Variants in DOCK7 observed in about 807,000 individuals in gnomAD.
DOCK7 encodes dedicator of cytokinesis protein 7.
DOCK7 carries 138 observed loss-of-function variants against 271.0 expected under a neutral mutation model. The ratio of observed to expected loss-of-function variants is 0.51; its 90% CI spans 0.44 to 0.59. DOCK7 has a LOEUF of 0.59. Ranked by LOEUF, DOCK7 falls within the 20% of genes least tolerant of loss-of-function variation. The pLI is 0.00. For synonymous variants in DOCK7, 823 were observed against 876.1 expected, an observed-to-expected ratio of 0.94 and a Z score of 1.07; for missense variants, 2,066 against 2,592.4, an observed-to-expected ratio of 0.80 and a Z score of 4.41.
At chr1:62,489,168 G>T in intron 41 of DOCK7, 103 bp from the exon 42 acceptor site, 1 of 1,162,776 alleles carries the variant, frequency 8.6e-7, no homozygotes. Flanking sequence ...AATACACTGA[G>T]GCCAGACGCA....
chr1:62,533,259 A>G (rs940367511), intron 29 of DOCK7, among the ~76,000 whole-genome samples: 28 of 152,178 alleles, frequency 1.8e-4, no homozygotes, highest in African/African-American at 6.7e-4. Flanking sequence ...TCCTTTAATA[A>G]AGCCAGCTGG....
intron 9 of DOCK7, among the ~76,000 whole-genome samples, chr1:62,634,171 T>C (rs901511962): frequency 1.3e-5 from 2 of 152,008 alleles, no homozygotes; most frequent in Non-Finnish European, 2.9e-5. Context: ...AAGAGTAAGA[T>C]ACTTACAAAT....
intron 1 of DOCK7, among the ~76,000 whole-genome samples, chr1:62,683,098 T>C (rs910478588): frequency 1.1e-4 from 17 of 152,146 alleles, no homozygotes; most frequent in African/African-American, 4.1e-4. Context: ...ATAAGAGAAA[T>C]GACCTAAGGT....
At chr1:62,472,094 CG>C (rs1473815999) in intron 48 of DOCK7, among the ~76,000 whole-genome samples, 2 of 151,664 alleles carry the variant, frequency 1.3e-5, no homozygotes, top group East Asian at 1.9e-4. Flanking sequence ...GCTGTTATTT[CG>C]TTTTTTTTGT....
intron 19 of DOCK7, among the ~76,000 whole-genome samples, chr1:62,560,449 C>G (rs1251179769): frequency 2.6e-5 from 4 of 152,152 alleles, no homozygotes; most frequent in African/African-American, 9.7e-5. Flanking sequence ...GCACTTCAAA[C>G]TCAACAGGTT....
At position 62,664,431 on chromosome 1, in the gene DOCK7, G is replaced by A. The variant is rs182949508; in HGVS notation, c.39-1301C>T. Among the ~76,000 whole-genome samples the A allele has an allele frequency of 8.4e-3, 1,284 of 152,180 alleles. 22 individuals carry two copies. The highest frequency in any genetic ancestry group is 0.029 in the African/African-American group (1,216 of 41,512). On this transcript the variant is annotated intron_variant, in intron 1 of 49. Coordinates refer to ENST00000635253, the MANE Select transcript of DOCK7 (RefSeq NM_001367561.1). ...ATTCTCTCCAGCCACCATGTAAGAT[G>A]TCCCTCTGCTCCTCCTTCGTCTTCT...
At chr1:62,489,181 G>A in intron 41 of DOCK7, 116 bp from the exon 42 acceptor site, 1 of 981,924 alleles carries the variant, frequency 1.0e-6, no homozygotes, top group Non-Finnish European at 1.4e-6. Context: ...CAGACGCAGT[G>A]GCTCACACCT....
intron 14 of DOCK7, among the ~76,000 whole-genome samples, chr1:62,617,605 TAGC>T (rs1256700362): frequency 6.6e-6 from 1 of 152,030 alleles, no homozygotes; most frequent in Non-Finnish European, 1.5e-5. Flanking sequence ...ATTTTGAAGT[TAGC>T]AGAAGAGAAC....
At chr1:62,520,856 A>T (rs1051143240) in intron 31 of DOCK7, among the ~76,000 whole-genome samples, 2 of 152,200 alleles carry the variant, frequency 1.3e-5, no homozygotes, top group Non-Finnish European at 2.9e-5. Context: ...AACAATCCCA[A>T]TGCCCATCAA....
intron 16 of DOCK7, among the ~76,000 whole-genome samples, chr1:62,579,695 GAAAAAAAA>G (rs34924913): frequency 9.4e-5 from 6 of 63,886 alleles, no homozygotes; most frequent in African/African-American, 3.6e-4. Context: ...GAGTGAGACC[GAAAAAAAA>G]AAAAAAAAAA....
chr1:62,563,130 A>G (rs925232451), intron 18 of DOCK7, among the ~76,000 whole-genome samples: 96 of 152,292 alleles, frequency 6.3e-4, no homozygotes, highest in African/African-American at 2.3e-3. Flanking sequence ...AGGGGTCAGC[A>G]AAGGCCTAGT....
chr1:62,649,125 A>G (rs1156663544), intron 4 of DOCK7, among the ~76,000 whole-genome samples: 4 of 152,140 alleles, frequency 2.6e-5, no homozygotes, highest in African/African-American at 9.7e-5. Flanking sequence ...CTCTTAAATT[A>G]ATGCAAGCTT....
At chr1:62,639,097 C>T (rs1271466176) in intron 7 of DOCK7, among the ~76,000 whole-genome samples, 2 of 152,030 alleles carry the variant, frequency 1.3e-5, no homozygotes, top group African/African-American at 4.8e-5. Context: ...TAATCATGTA[C>T]CAATACTATA....
In DOCK7 at chr1:62,513,749, C is replaced by T. The variant is rs2149340872; in HGVS notation, c.4086G>A (p.Leu1362=). ...CAAAGCAAGACACACAGAGATAAAG[C>T]AGATCTAATAGCCGGTTTAGCTGCA... ...SVLQLNRLLD[L]LYLCVSCFEY... The change falls in exon 32 of 50, where the codon CTG becomes CTA. Residue 1362 remains leucine, a synonymous_variant. Coordinates refer to ENST00000635253, the MANE Select transcript of DOCK7 (RefSeq NM_001367561.1). The T allele has an allele frequency of 6.2e-7, 1 of 1,614,106 alleles. No homozygotes were observed.
At position 62,602,266 on chromosome 1, in the gene DOCK7, TTTCA is replaced by T. The variant is rs1557783883; in HGVS notation, c.1683-15646_1683-15643del. 2.5e-6 allele frequency: 4 copies of T among 1,570,286 alleles called. No homozygotes were observed. In the South Asian group the frequency reaches 3.3e-5, roughly 13 times the overall value. On this transcript the variant is annotated intron_variant, in intron 14 of 49. Coordinates refer to ENST00000635253, the MANE Select transcript of DOCK7 (RefSeq NM_001367561.1). ...ACATAAATCTACTAAAAATACATGA[TTTCA>T]TTCATTATATTCAGGTAGTCCATGG...
chr1:62,472,476 A>T (rs2149253757), intron 48 of DOCK7, among the ~76,000 whole-genome samples: 1 of 152,340 alleles, frequency 6.6e-6, no homozygotes, highest in Non-Finnish European at 1.5e-5. Flanking sequence ...AGACCTGTTG[A>T]CTACAGGAAT....
rs1571222772 is a variant in DOCK7, at chr1:62,476,088, C to T, written c.5703G>A (p.Lys1901=). The T allele has an allele frequency of 1.2e-6, 2 of 1,613,202 alleles. No homozygotes were observed. Among genetic ancestry groups the T allele is most frequent in the South Asian group, 1.1e-5 (1 of 91,026 alleles). ...EVIKDSNPVD[K]CKLDPNKAYI... is the part of the protein sequence containing the mutation. ...ATACCTTGTTAGGATCTAATTTACACTTGTCTACAGGATTAGAGTCTTTGA... is the reference window on the plus strand; with the variant it reads ...ATACCTTGTTAGGATCTAATTTACATTTGTCTACAGGATTAGAGTCTTTGA... Residue 1901 remains lysine (K), a synonymous_variant, in exon 45 of 50, where the codon AAG becomes AAA. Transcript: ENST00000635253.
At chr1:62,475,100 T>C in intron 47 of DOCK7, 108 bp downstream of exon 47, 1 of 1,264,146 alleles carries the variant, frequency 7.9e-7, no homozygotes. Context: ...ATACAGGCAG[T>C]AGAGAAGGCA....
At chr1:62,530,463 T>C (rs542573291) in intron 29 of DOCK7, among the ~76,000 whole-genome samples, 1 of 152,338 alleles carries the variant, frequency 6.6e-6, no homozygotes, top group East Asian at 1.9e-4. Flanking sequence ...TGAAAATACA[T>C]CATCACTTTA....
Sources: gnomAD v4.1 joint callset for allele counts (sites outside exome capture counted in the v4.1 genomes callset) on GRCh38, gnomAD v4.1.1 for gene constraint, MANE v1.5 for transcripts, NCBI Gene and HGNC (gene_info 2026-07-23, HGNC 2026-07-21) for gene names.